The following SLC38A6 variants were observed in gnomAD, a reference collection of about 807,000 sequenced individuals.
SLC38A6 encodes the protein N system amino acid transporter NAT-1.
Under a neutral mutation model 65.0 loss-of-function variants are expected in SLC38A6, and 73 were observed. That is an observed-to-expected ratio of 1.12 (90% CI 0.93 to 1.37). The LOEUF (loss-of-function observed/expected upper bound fraction) is 1.37, where lower values mean the gene tolerates loss of function less well. Ranked by LOEUF, SLC38A6 falls within the 40% of genes most tolerant of loss-of-function variation. The pLI is 0.00. For synonymous variants in SLC38A6, 183 were observed against 178.8 expected (o/e 1.02, Z -0.19); for missense variants, 561 against 531.1 (o/e 1.06, Z -0.55).
At chr14:60,982,861 T>G (rs1167336718) in intron 2 of SLC38A6, among the ~76,000 whole-genome samples, 1 of 152,198 alleles carries the variant, frequency 6.6e-6, no homozygotes, top group Non-Finnish European at 1.5e-5. Flanking sequence ...AAATGGGAAC[T>G]TGATCCACAT....
chr14:61,001,243 G>A (rs117544064), intron 3 of SLC38A6, among the ~76,000 whole-genome samples: 1,940 of 152,264 alleles, frequency 0.013, 19 homozygotes, highest in Non-Finnish European at 0.019. Context: ...TAAACATTCT[G>A]CAATACACAG....
chr14:61,017,922 G>A (rs1295867226), intron 4 of SLC38A6, among the ~76,000 whole-genome samples: 1 of 152,062 alleles, frequency 6.6e-6, no homozygotes, highest in Non-Finnish European at 1.5e-5. Context: ...GTTATAATAT[G>A]GGATAATATT....
chr14:61,020,853 G>C (rs1024451903), intron 5 of SLC38A6, among the ~76,000 whole-genome samples: 21 of 151,978 alleles, frequency 1.4e-4, no homozygotes, highest in African/African-American at 5.1e-4. Flanking sequence ...TATCCTCTCT[G>C]TATAGATTCT....
intron 15 of SLC38A6, among the ~76,000 whole-genome samples, chr14:61,070,973 A>G (rs1280687893): frequency 6.6e-6 from 1 of 151,846 alleles, no homozygotes; most frequent in Non-Finnish European, 1.5e-5. Flanking sequence ...GTTTGCAAAT[A>G]TTTTCTCTCT....
chr14:61,055,107 TTTTTTTTTTTC>T (rs1317714667), downstream of SLC38A6, among the ~76,000 whole-genome samples: 75 of 18,902 alleles, frequency 4.0e-3, 1 homozygote, highest in Admixed American at 0.028. Flanking sequence ...AGTCTTTTTC[TTTTTTTTTTTC>T]TTTTTTTTTT....
At chr14:61,045,996 C>G (rs75941314) in intron 11 of SLC38A6, 71 bp from the exon 12 acceptor site, 27,519 of 896,066 alleles carry the variant, frequency 0.031, 670 homozygotes, top group African/African-American at 0.09. Context: ...TCTCGACCAG[C>G]TTAGGACATA....
Position 61,012,894 on chromosome 14 carries a change from T to G in SLC38A6, c.311-3010T>G, listed in dbSNP as rs2039688394. Among the ~76,000 whole-genome samples, 5 of 152,212 alleles carry G rather than the reference T, an allele frequency of 3.3e-5. No homozygotes were observed. The South Asian group carries it at 1.0e-3, about 32-fold the overall frequency. ...GGTTGGAGAGTTCTGTAGATGTCTA[T>G]TAGGTCCACTTGGTGCAGAGCTGAG... is the stretch of plus-strand genomic sequence containing the variant. On this transcript the variant is annotated intron_variant, in intron 3 of 15. Coordinates refer to ENST00000267488, the MANE Select transcript of SLC38A6 (RefSeq NM_153811.3).
At chr14:60,990,651 G>C (rs532691414) in intron 3 of SLC38A6, among the ~76,000 whole-genome samples, 26 of 151,358 alleles carry the variant, frequency 1.7e-4, no homozygotes, top group Admixed American at 7.9e-4. Flanking sequence ...ATTTTTTTTC[G>C]AGATAGTGTC....
chr14:61,011,948 A>G (rs1489768573), intron 3 of SLC38A6, among the ~76,000 whole-genome samples: 2 of 152,210 alleles, frequency 1.3e-5, no homozygotes, highest in African/African-American at 2.4e-5. Flanking sequence ...GAATAGTTTC[A>G]GAAGGAATGG....
intron 3 of SLC38A6, among the ~76,000 whole-genome samples, chr14:61,000,989 A>T (rs1410699124): frequency 6.6e-6 from 1 of 152,214 alleles, no homozygotes; most frequent in Non-Finnish European, 1.5e-5. Context: ...TTGATCAGGG[A>T]TCATAGTTCA....
intron 6 of SLC38A6, chr14:61,030,982 A>G (rs530947327): frequency 1.3e-5 from 2 of 152,510 alleles, no homozygotes; most frequent in South Asian, 4.1e-4. Flanking sequence ...AGTTACAACT[A>G]TACCTGTTTG....
chr14:61,029,602 A>G (rs1415210391), intron 5 of SLC38A6, among the ~76,000 whole-genome samples: 1 of 152,196 alleles, frequency 6.6e-6, no homozygotes, highest in Non-Finnish European at 1.5e-5. Context: ...TTCTGTAACC[A>G]TATTAAAACT....
intron 6 of SLC38A6, among the ~76,000 whole-genome samples, chr14:61,035,514 A>C (rs1327020321): frequency 6.6e-6 from 1 of 151,928 alleles, no homozygotes; most frequent in East Asian, 1.9e-4. Flanking sequence ...ACATACATAG[A>C]ATTTTCTCTA....
At chr14:60,982,296 A>G in intron 1 of SLC38A6, 1 of 625,190 alleles carries the variant, frequency 1.6e-6, no homozygotes, top group Non-Finnish European at 2.9e-6. Flanking sequence ...GGTGGAAATC[A>G]TTTTCCTAAG....
Position 61,045,387 on chromosome 14 carries a change from C to T in SLC38A6, c.786C>T (p.Cys262=), listed in dbSNP as rs746093089. ...ALPTMAFSFL[C]HTSILPIYCE... is the part of the protein sequence containing the mutation. ...CAACCATGGCTTTTTCATTTCTCTG[C>T]CATACCTCAATATTGCCCATATACT... The change falls in exon 11 of 16, where the codon TGC becomes TGT. Residue 262 remains cysteine (C), a synonymous_variant. Coordinates refer to ENST00000267488, the MANE Select transcript of SLC38A6 (RefSeq NM_153811.3). 6.2e-7 allele frequency: 1 copy of T among 1,613,512 alleles called. No individual in the cohort carries two copies. The highest frequency in any genetic ancestry group is 1.1e-5 in the South Asian group (1 of 91,056).
At chr14:61,071,808 C>T (rs532154403) in intron 15 of SLC38A6, among the ~76,000 whole-genome samples, 2 of 152,236 alleles carry the variant, frequency 1.3e-5, no homozygotes, top group South Asian at 2.1e-4. Flanking sequence ...TCTCTGACTC[C>T]GTTGTAATTA....
intron 15 of SLC38A6, among the ~76,000 whole-genome samples, chr14:61,076,254 A>G (rs2043413913): frequency 1.3e-5 from 2 of 152,220 alleles, no homozygotes; most frequent in South Asian, 4.1e-4. Flanking sequence ...AACAAATTTT[A>G]TAATTCCCTG....
intron 3 of SLC38A6, among the ~76,000 whole-genome samples, chr14:61,007,726 C>T (rs1281702044): frequency 1.8e-5 from 1 of 55,744 alleles, no homozygotes; most frequent in Non-Finnish European, 4.5e-5. Context: ...ATCAGAGATG[C>T]TCTGGAGACT....
At chr14:61,075,777 TTGTGTG>T (rs57421102) in intron 15 of SLC38A6, among the ~76,000 whole-genome samples, 40,312 of 123,576 alleles carry the variant, frequency 0.33, 5,124 homozygotes, top group Admixed American at 0.39. Context: ...ATCAACCTGT[TTGTGTG>T]TGTGTGTGTG....
Sources: gnomAD v4.1 joint callset for allele counts (sites outside exome capture counted in the v4.1 genomes callset) on GRCh38, gnomAD v4.1.1 for gene constraint, MANE v1.5 for transcripts, NCBI Gene and HGNC (gene_info 2026-07-23, HGNC 2026-07-21) for gene names.